PTGER3: variants seen among roughly 807,000 people sequenced by gnomAD.
PTGER3 encodes the protein prostaglandin E2 receptor EP3 subtype.
PTGER3 carries 22 observed loss-of-function variants against 34.7 expected under a neutral mutation model. The ratio of observed to expected loss-of-function variants is 0.63; its 90% CI spans 0.45 to 0.91. PTGER3 has a LOEUF of 0.91. Among genes scored for constraint, PTGER3 ranks in the 40% least tolerant of loss-of-function variants. PTGER3 has a pLI of 0.00. For synonymous variants in PTGER3, 241 were observed against 230.1 expected (o/e 1.05, Z -0.43); for missense variants, 468 against 519.4 (o/e 0.90, Z 0.96).
chr1:70,979,445 A>G (rs750569816), intron 2 of PTGER3, among the ~76,000 whole-genome samples: 2 of 152,128 alleles, frequency 1.3e-5, no homozygotes, highest in African/African-American at 2.4e-5. Flanking sequence ...TATTCTGTAC[A>G]GAGAATACAG....
chr1:70,891,610 A>G (rs1646619567), intron 4 of PTGER3, among the ~76,000 whole-genome samples: 2 of 152,234 alleles, frequency 1.3e-5, no homozygotes, highest in African/African-American at 2.4e-5. Context: ...GGAAATGGTC[A>G]GTGTCATATA....
chr1:70,941,754 T>C (rs546306198), intron 4 of PTGER3, among the ~76,000 whole-genome samples: 1 of 152,288 alleles, frequency 6.6e-6, no homozygotes, highest in East Asian at 1.9e-4. Context: ...ATCTGTTTTG[T>C]CTTCTCCACT....
intron 2 of PTGER3, among the ~76,000 whole-genome samples, chr1:70,957,945 G>A (rs80292754): frequency 0.02 from 3,057 of 152,084 alleles, 106 homozygotes; most frequent in African/African-American, 0.069. Context: ...GTCTTTCTGT[G>A]TCTAGCTTAT....
chr1:70,967,104 T>A (rs975783612), downstream of PTGER3, among the ~76,000 whole-genome samples: 1 of 152,128 alleles, frequency 6.6e-6, no homozygotes, highest in African/African-American at 2.4e-5. Context: ...AAAATACAGA[T>A]GTTTTCTTCA....
At chr1:71,012,154 C>G in intron 2 of PTGER3, 151 bp downstream of exon 2, 1 of 1,543,810 alleles carries the variant, frequency 6.5e-7, no homozygotes, top group East Asian at 2.3e-5. Flanking sequence ...CCTAAATTCA[C>G]AGTAAGGTTT....
At chr1:70,883,174 G>A (rs1192073753) in intron 4 of PTGER3, among the ~76,000 whole-genome samples, 1 of 152,152 alleles carries the variant, frequency 6.6e-6, no homozygotes, top group African/African-American at 2.4e-5. Flanking sequence ...GTTGAAACTT[G>A]TTGAACATGA....
chr1:70,974,590 T>C (rs1363991324), intron 2 of PTGER3, among the ~76,000 whole-genome samples: 1 of 152,156 alleles, frequency 6.6e-6, no homozygotes, highest in Non-Finnish European at 1.5e-5. Flanking sequence ...AAATACGACT[T>C]GCAGGCAGAG....
In PTGER3 at chr1:70,983,898, TG is replaced by T. The variant is rs571829155; in HGVS notation, c.1078-9511del. On this transcript the variant is annotated intron_variant, in intron 2 of 3. Coordinates refer to ENST00000306666, the MANE Select transcript of PTGER3 (RefSeq NM_198719.2). Reference sequence around the variant, plus strand: ...AACCATGAGGAAACAGCCATATCCCTGGAAGTAGACTTTAACCAGAGGCTGC... The same window carrying T: ...AACCATGAGGAAACAGCCATATCCCTGAAGTAGACTTTAACCAGAGGCTGC... 3.1e-4 allele frequency among the ~76,000 whole-genome samples: 47 copies of T among 152,258 alleles called. No homozygotes were observed. The East Asian group carries it at 8.5e-3, about 28-fold the overall frequency.
chr1:70,925,168 C>T (rs1440962384), intron 4 of PTGER3, among the ~76,000 whole-genome samples: 3 of 152,104 alleles, frequency 2.0e-5, no homozygotes, highest in Non-Finnish European at 2.9e-5. Flanking sequence ...CCATGCTTGG[C>T]TAATTTTTGT....
intron 4 of PTGER3, among the ~76,000 whole-genome samples, chr1:70,913,889 T>C (rs61777123): frequency 6.6e-6 from 1 of 151,746 alleles, no homozygotes; most frequent in Admixed American, 6.6e-5. Context: ...TTAACAAAAA[T>C]GTTTGTGTCT....
downstream of PTGER3, among the ~76,000 whole-genome samples, chr1:70,966,533 C>T (rs960552872): frequency 2.0e-5 from 3 of 152,000 alleles, no homozygotes; most frequent in Non-Finnish European, 4.4e-5. Flanking sequence ...AGGTTTGTTA[C>T]ATAAGTGTAC....
At chr1:71,007,924 C>T (rs1283420023) in intron 2 of PTGER3, 32 of 985,190 alleles carry the variant, frequency 3.2e-5, no homozygotes, top group Admixed American at 2.5e-4. Context: ...AAAAGGCTGA[C>T]TTGTTTCTGA....
At chr1:70,852,955 G>C (rs1645714766) in intron 4 of PTGER3, 1 of 1,353,968 alleles carries the variant, frequency 7.4e-7, no homozygotes, top group Non-Finnish European at 1.1e-6. Flanking sequence ...ATAAATTTCA[G>C]ATTATGAACA....
intron 4 of PTGER3, among the ~76,000 whole-genome samples, chr1:70,946,251 C>G (rs1272546556): frequency 1.3e-5 from 2 of 152,086 alleles, no homozygotes; most frequent in Non-Finnish European, 2.9e-5. Context: ...ATACACTTGC[C>G]TAGCAATTTC....
At chr1:70,949,498 A>T (rs1202548897), downstream of PTGER3, among the ~76,000 whole-genome samples, 1 of 152,214 alleles carries the variant, frequency 6.6e-6, no homozygotes, top group African/African-American at 2.4e-5. Flanking sequence ...AAAAGAGTAC[A>T]GTTCAAGGGA....
intron 2 of PTGER3, among the ~76,000 whole-genome samples, chr1:71,001,380 G>A (rs569027480): frequency 6.6e-6 from 1 of 152,262 alleles, no homozygotes; most frequent in South Asian, 2.1e-4. Context: ...TAGCAGTTAG[G>A]ATGAAGAGTA....
At chr1:70,941,358 T>C (rs1431378090) in intron 4 of PTGER3, among the ~76,000 whole-genome samples, 1 of 152,198 alleles carries the variant, frequency 6.6e-6, no homozygotes, top group Non-Finnish European at 1.5e-5. Context: ...CCTTTTTTGT[T>C]TGGGCATAAA....
intron 2 of PTGER3, chr1:71,008,717 T>A (rs1457161059): frequency 1.3e-5 from 13 of 980,440 alleles, no homozygotes; most frequent in Non-Finnish European, 1.6e-5. Flanking sequence ...TAGACCTCAG[T>A]TTTAACAGAT....
intron 2 of PTGER3, chr1:71,007,155 C>G (rs778289839): frequency 1.0e-6 from 1 of 985,762 alleles, no homozygotes; most frequent in Non-Finnish European, 1.2e-6. Flanking sequence ...GTGAAGAACA[C>G]TATGCTTTTG....
Sources: gnomAD v4.1 joint callset for allele counts (sites outside exome capture counted in the v4.1 genomes callset) on GRCh38, gnomAD v4.1.1 for gene constraint, MANE v1.5 for transcripts, NCBI Gene and HGNC (gene_info 2026-07-23, HGNC 2026-07-21) for gene names.